The following RARA variants were observed in gnomAD, a reference collection of about 807,000 sequenced individuals.
RARA encodes the protein PML-DDX5-RARA fusion.
A neutral mutation model predicts 42.8 loss-of-function variants in RARA; 5 were observed. That is an observed-to-expected ratio of 0.12 (90% CI 0.06 to 0.25). The LOEUF is 0.25. Ranked by LOEUF, RARA falls within the 10% of genes least tolerant of loss-of-function variation. The pLI is 1.00. For missense variants in RARA, 402 were observed against 628.7 expected (o/e 0.64, Z 3.86); for synonymous variants, 256 against 259.5 (o/e 0.99, Z 0.13).
Position 40,331,166 on chromosome 17 carries a change from A to G in RARA, c.-53A>G. 1 of 1,532,374 alleles carries G rather than the reference A, an allele frequency of 6.5e-7. No individual in the cohort carries two copies. Among genetic ancestry groups the G allele is most frequent in the South Asian group, 1.2e-5 (1 of 81,560 alleles). 94.9% of individuals were successfully genotyped at this position (1,532,374 alleles called of 1,614,324 possible). On this transcript the variant is annotated 5_prime_UTR_variant, in exon 2 of 9. Coordinates refer to ENST00000254066, the MANE Select transcript of RARA (RefSeq NM_000964.4). ...CCCGAGGAGGGGTGGTCTGAAGCCC[A>G]CCAGAGCCCCCTGCCAGACTGTCTG...
At position 40,356,379 on chromosome 17, in the gene RARA, C is replaced by T. The variant is rs139482076; in HGVS notation, c.*153C>T. ...TGGGGGACGGGGAGGGAGGAGGCAG[C>T]GACTCCTTGGACAGAGGCCTGGGCC... On this transcript the variant is annotated 3_prime_UTR_variant, in exon 9 of 9. Coordinates refer to ENST00000254066, the MANE Select transcript of RARA (RefSeq NM_000964.4). 6.6e-4 allele frequency: 578 copies of T among 881,176 alleles called. 2 individuals carry two copies. In the African/African-American group the frequency reaches 8.3e-3, roughly 13 times the overall value. The allele number at this position is 881,176 out of a possible 1,614,324, so 54.6% of individuals were successfully genotyped here.
At chr17:40,335,461 G>A (rs1275941451) in intron 2 of RARA, among the ~76,000 whole-genome samples, 4 of 151,810 alleles carry the variant, frequency 2.6e-5, no homozygotes, top group Non-Finnish European at 4.4e-5. Context: ...AGGCCAAGGC[G>A]GGCGGATGAC....
intron 1 of RARA, among the ~76,000 whole-genome samples, chr17:40,310,887 C>T (rs902106429): frequency 7.9e-5 from 12 of 152,106 alleles, no homozygotes; most frequent in Non-Finnish European, 1.5e-4. Flanking sequence ...TCAATCTCTC[C>T]GCCTTTAGTT....
chr17:40,356,126 G>C lies in RARA; in HGVS notation c.1289G>C (p.Gly430Ala), dbSNP rs1194321465. The C allele has an allele frequency of 2.0e-6, 2 of 1,009,462 alleles. No individual in the cohort carries two copies. The highest frequency in any genetic ancestry group is 2.2e-4 in the Middle Eastern group (1 of 4,512). The allele number at this position is 1,009,462 out of a possible 1,614,324, so 62.5% of individuals were successfully genotyped here. Residue 430 changes from glycine to alanine, a missense_variant, in exon 9 of 9, where the codon GGG (glycine) becomes GCG (alanine). Gly to Ala is a moderately conservative substitution (Grantham distance 60). Around this residue, in one of 5 missense-constraint regions of RARA, gnomAD observed 73 missense variants for 59.8 expected, o/e 1.22. Coordinates refer to ENST00000254066, the MANE Select transcript of RARA (RefSeq NM_000964.4). ...ACTCTGAGCGGACAGCCGGGGGGTGGGGGGCGGGACGGGGGTGGCCTGGCC... is the reference window on the plus strand; with the variant it reads ...ACTCTGAGCGGACAGCCGGGGGGTGCGGGGCGGGACGGGGGTGGCCTGGCC... ...LDTLSGQPGGGGRDGGGLAPP... is the reference protein window; with the variant it reads ...LDTLSGQPGGAGRDGGGLAPP...
chr17:40,351,781 C>A lies in RARA; in HGVS notation c.470-129C>A. On this transcript the variant is annotated intron_variant, in intron 4 of 8. Transcript: ENST00000254066. The surrounding 1 kb of genome is among the most constrained non-coding windows in gnomAD (Gnocchi z 4.1). Reference sequence around the variant, plus strand: ...GCAATGCCTTGCCTGCCCGTGAACGCGTGCTGTGTGCGCGTGCTTACAAGC... The same window carrying A: ...GCAATGCCTTGCCTGCCCGTGAACGAGTGCTGTGTGCGCGTGCTTACAAGC... The A allele has an allele frequency of 8.1e-7, 1 of 1,241,270 alleles. No individual in the cohort carries two copies. The highest frequency in any genetic ancestry group is 1.1e-6 in the Non-Finnish European group (1 of 901,974). The allele number at this position is 1,241,270 out of a possible 1,614,324, so 76.9% of individuals were successfully genotyped here.
At position 40,356,263 on chromosome 17, in the gene RARA, C is replaced by G. The variant is rs543619460; in HGVS notation, c.*37C>G. ...ACATGGACACAGCCCTCGCCCTCCG[C>G]CCCGGCTTTTCTCTGCCTTTCTACC... On this transcript the variant is annotated 3_prime_UTR_variant, in exon 9 of 9. Coordinates refer to ENST00000254066, the MANE Select transcript of RARA (RefSeq NM_000964.4). The G allele has an allele frequency of 6.5e-7, 1 of 1,537,642 alleles. No homozygotes were observed. The highest frequency in any genetic ancestry group is 2.0e-5 in the Admixed American group (1 of 50,996).
intron 1 of RARA, chr17:40,318,443 T>G (rs1395525160): frequency 1.3e-5 from 2 of 152,350 alleles, no homozygotes; most frequent in Non-Finnish European, 2.9e-5. Context: ...CTTCCCCCGC[T>G]GCGAGGTAAT....
chr17:40,338,043 A>T (rs528255167), intron 2 of RARA, among the ~76,000 whole-genome samples: 94 of 152,362 alleles, frequency 6.2e-4, no homozygotes, highest in Middle Eastern at 3.4e-3. Context: ...CTCACCTTTT[A>T]TCTCCCAGCA....
chr17:40,332,959 C>CATTTAA (rs1163367351), intron 2 of RARA, among the ~76,000 whole-genome samples: 1 of 152,224 alleles, frequency 6.6e-6, no homozygotes. Flanking sequence ...ATATTCACTG[C>CATTTAA]ATTTAAAGGG....
intron 2 of RARA, 120 bp from the exon 3 acceptor site, chr17:40,348,196 T>C: frequency 2.3e-6 from 3 of 1,280,020 alleles, no homozygotes; most frequent in Non-Finnish European, 2.1e-6. Flanking sequence ...AAGACTTGAA[T>C]CCTGCCAGCA....
In RARA at chr17:40,342,473, C is replaced by T. The variant is rs985170110; in HGVS notation, c.179-5843C>T. On this transcript the variant is annotated intron_variant, in intron 2 of 8. Transcript: ENST00000254066. Reference sequence around the variant, plus strand: ...GGCTTCCCTGGGAGAGCCGACGGACCCCCCCTCCCAGCACACACAACTTCC... The same window carrying T: ...GGCTTCCCTGGGAGAGCCGACGGACTCCCCCTCCCAGCACACACAACTTCC... 45 of 1,236,538 alleles carry T rather than the reference C, an allele frequency of 3.6e-5. No homozygotes were observed. In the African/African-American group the frequency reaches 5.2e-4, roughly 14 times the overall value. 76.6% of individuals were successfully genotyped at this position (1,236,538 alleles called of 1,614,324 possible). A position where few individuals can be genotyped will look rare whatever the true frequency, so the allele number is the denominator to read the frequency against.
At chr17:40,318,564 G>C (rs2033270205) in intron 1 of RARA, 1 of 152,226 alleles carries the variant, frequency 6.6e-6, no homozygotes, top group South Asian at 2.1e-4. Context: ...GGCTTCCGAC[G>C]GGAACCCGGG....
Position 40,351,894 on chromosome 17 carries a change from C to A in RARA, c.470-16C>A. 2 of 1,607,746 alleles carry A rather than the reference C, an allele frequency of 1.2e-6. No individual in the cohort carries two copies. The highest frequency in any genetic ancestry group is 1.3e-5 in the African/African-American group (1 of 74,402). On this transcript the variant is annotated splice_polypyrimidine_tract_variant and intron_variant, in intron 4 of 8. Coordinates refer to ENST00000254066, the MANE Select transcript of RARA (RefSeq NM_000964.4). The surrounding 1 kb of genome is among the most constrained non-coding windows in gnomAD (Gnocchi z 4.1). ...CAGCCTGCAGCTGCCCTCTTAACCC[C>A]CTCTGCCCTCCACAGCTGTGAGAAA...
At chr17:40,353,038 GTCA>G (rs2034504246) in intron 6 of RARA, among the ~76,000 whole-genome samples, 1 of 152,214 alleles carries the variant, frequency 6.6e-6, no homozygotes, top group Non-Finnish European at 1.5e-5. Context: ...CAAGAGATAA[GTCA>G]ACAGAGGTTG....
chr17:40,330,547 T>A (rs970207915), intron 1 of RARA, among the ~76,000 whole-genome samples: 3 of 152,186 alleles, frequency 2.0e-5, no homozygotes, highest in African/African-American at 7.2e-5. Flanking sequence ...GAGGGCCAGC[T>A]GCCCGTTTCT....
chr17:40,310,785 T>C (rs764468676), intron 1 of RARA, among the ~76,000 whole-genome samples: 1 of 152,136 alleles, frequency 6.6e-6, no homozygotes, highest in Non-Finnish European at 1.5e-5. Flanking sequence ...ACATTGCCAC[T>C]AAAACCACAG....
At chr17:40,311,251 G>T (rs1046851573) in intron 1 of RARA, among the ~76,000 whole-genome samples, 4 of 152,110 alleles carry the variant, frequency 2.6e-5, no homozygotes, top group African/African-American at 9.7e-5. Context: ...GATGGTATGA[G>T]GACTGCCCCT....
intron 4 of RARA, chr17:40,350,539 T>G (rs1038039737): frequency 6.6e-6 from 1 of 152,470 alleles, no homozygotes; most frequent in Non-Finnish European, 1.5e-5. Context: ...TTGTGTTGAA[T>G]CATGGGTGTT....
At chr17:40,316,843 G>A (rs2033224863) in intron 1 of RARA, among the ~76,000 whole-genome samples, 1 of 152,046 alleles carries the variant, frequency 6.6e-6, no homozygotes, top group African/African-American at 2.4e-5. Context: ...GGTTCGCACC[G>A]GCGGACGGAA....
Sources: allele counts gnomAD v4.1 joint callset (sites outside exome capture counted in the v4.1 genomes callset), GRCh38; gene constraint gnomAD v4.1.1; regional missense constraint gnomAD v4.1.1; non-coding constraint Gnocchi (gnomAD v3.1); transcripts MANE v1.5; gene names NCBI Gene and HGNC (gene_info 2026-07-23, HGNC 2026-07-21).